Variants in AHRR observed in about 807,000 individuals in gnomAD.
AHRR encodes aryl hydrocarbon receptor repressor.
AHRR carries 28 observed loss-of-function variants against 44.0 expected under a neutral mutation model. That is an observed-to-expected ratio of 0.64 (90% CI 0.47 to 0.87). AHRR has a LOEUF of 0.87. Ranked by LOEUF, AHRR falls within the 40% of genes least tolerant of loss-of-function variation. AHRR has a pLI of 0.00. For synonymous variants in AHRR, 434 were observed against 407.0 expected, an observed-to-expected ratio of 1.07 and a Z score of -0.80; for missense variants, 990 against 953.9, an observed-to-expected ratio of 1.04 and a Z score of -0.50.
intron 4 of AHRR, chr5:403,908 T>C: frequency 6.3e-7 from 1 of 1,582,224 alleles, no homozygotes; most frequent in Non-Finnish European, 8.7e-7. Flanking sequence ...AGAATGTAGC[T>C]ATTCCAGGCA....
chr5:347,395 G>T (rs577201804), intron 2 of AHRR, among the ~76,000 whole-genome samples: 2 of 152,260 alleles, frequency 1.3e-5, no homozygotes, highest in East Asian at 3.9e-4. Flanking sequence ...TACTTTTGTG[G>T]CTAATTTTAC....
At chr5:427,652 GC>G in intron 7 of AHRR, 154 bp from the exon 8 acceptor site, 1 of 1,612,984 alleles carries the variant, frequency 6.2e-7, no homozygotes, top group South Asian at 1.1e-5. Context: ...GGGGTCACAG[GC>G]TTGGCAGCTG....
At chr5:414,908 G>A (rs1051545856) in intron 5 of AHRR, among the ~76,000 whole-genome samples, 3 of 152,250 alleles carry the variant, frequency 2.0e-5, no homozygotes, top group African/African-American at 7.2e-5. Context: ...AGCAACGAAG[G>A]ACTAAAGGGA....
intron 3 of AHRR, chr5:367,668 G>A (rs1379172287): frequency 1.7e-6 from 1 of 596,390 alleles, no homozygotes; most frequent in East Asian, 2.8e-5. Flanking sequence ...CCCCTCAGGA[G>A]GCCTTCCCCA....
Position 367,834 on chromosome 5 carries a change from G to A in AHRR, c.245-8776G>A, listed in dbSNP as rs1476717214. The A allele has an allele frequency of 2.3e-5, 16 of 702,540 alleles. 1 individual carries two copies. The highest frequency in any genetic ancestry group is 2.3e-4 in the Middle Eastern group (1 of 4,370). 43.5% of individuals were successfully genotyped at this position (702,540 alleles called of 1,614,324 possible). A position where few individuals can be genotyped will look rare whatever the true frequency, so the allele number is the denominator to read the frequency against. On this transcript the variant is annotated intron_variant, in intron 3 of 10. Coordinates refer to ENST00000684583, the MANE Select transcript of AHRR (RefSeq NM_001377236.1). Reference sequence around the variant, plus strand: ...ACAGGGGTTGGCAGTGGCAGATGCCGAAGATGTGGATGACCACACGGGCGA... The same window carrying A: ...ACAGGGGTTGGCAGTGGCAGATGCCAAAGATGTGGATGACCACACGGGCGA...
At chr5:403,308 C>A (rs1017917967) in intron 4 of AHRR, among the ~76,000 whole-genome samples, 1 of 152,074 alleles carries the variant, frequency 6.6e-6, no homozygotes, top group Non-Finnish European at 1.5e-5. Context: ...ACAATGTGGA[C>A]GTGCTTAATG....
intron 5 of AHRR, among the ~76,000 whole-genome samples, chr5:416,826 A>G (rs1184396475): frequency 2.0e-5 from 3 of 152,252 alleles, no homozygotes; most frequent in African/African-American, 7.2e-5. Context: ...GACTTTGTCA[A>G]CTTAAACAGA....
chr5:340,675 TATA>T (rs1742300582), intron 1 of AHRR, among the ~76,000 whole-genome samples: 1 of 27,404 alleles, frequency 3.6e-5, no homozygotes, highest in Non-Finnish European at 6.8e-5. Flanking sequence ...TATATATATA[TATA>T]TATATATATA....
At position 423,824 on chromosome 5, in the gene AHRR, GC is replaced by G; in HGVS notation, c.572-13del. On this transcript the variant is annotated splice_polypyrimidine_tract_variant and intron_variant, in intron 6 of 10. Transcript: ENST00000684583. ...GCTTCTCCCACCGCCACGCCCCTTGGCCCCTATGGTCTGCAGGAGATGATGC... is the reference window on the plus strand; with the variant it reads ...GCTTCTCCCACCGCCACGCCCCTTGGCCCTATGGTCTGCAGGAGATGATGC... 2 of 1,586,454 alleles carry G rather than the reference GC, an allele frequency of 1.3e-6. No homozygotes were observed.
At chr5:381,863 T>A (rs1734001211) in intron 4 of AHRR, among the ~76,000 whole-genome samples, 1 of 152,126 alleles carries the variant, frequency 6.6e-6, no homozygotes, top group African/African-American at 2.4e-5. Flanking sequence ...TTAAGAAATT[T>A]CCCTTTTATT....
intron 3 of AHRR, among the ~76,000 whole-genome samples, chr5:373,415 G>A (rs182589015): frequency 6.6e-6 from 1 of 152,214 alleles, no homozygotes; most frequent in Admixed American, 6.5e-5. Flanking sequence ...TGGCCTCTGC[G>A]GTCTTGGAGG....
intron 3 of AHRR, among the ~76,000 whole-genome samples, chr5:361,161 T>C (rs150790325): frequency 0.098 from 14,976 of 152,166 alleles, 1,051 homozygotes; most frequent in Non-Finnish European, 0.13. Context: ...AGGCAGAGAA[T>C]TGCTTGAACC....
At chr5:360,423 A>G (rs533500566) in intron 3 of AHRR, among the ~76,000 whole-genome samples, 1 of 152,360 alleles carries the variant, frequency 6.6e-6, no homozygotes, top group South Asian at 2.1e-4. Flanking sequence ...GCCCTGCACT[A>G]CATGCCACAT....
At chr5:412,997 A>G (rs1735532610) in intron 4 of AHRR, among the ~76,000 whole-genome samples, 1 of 152,160 alleles carries the variant, frequency 6.6e-6, no homozygotes, top group Admixed American at 6.5e-5. Context: ...GATATCCCAG[A>G]CAGTGTGTAG....
intron 4 of AHRR, among the ~76,000 whole-genome samples, chr5:379,411 A>G (rs940531353): frequency 4.1e-4 from 62 of 152,224 alleles, no homozygotes; most frequent in African/African-American, 1.5e-3. Flanking sequence ...AGGTGTTTCT[A>G]TGAGCGTAGG....
intron 1 of AHRR, 113 bp from the exon 2 acceptor site, chr5:343,780 G>A (rs1742454581): frequency 2.2e-5 from 23 of 1,067,256 alleles, no homozygotes; most frequent in Non-Finnish European, 3.0e-5. Context: ...TGGGGGCCTC[G>A]CGGGGTCGCG....
At chr5:353,661 G>C in intron 2 of AHRR, 69 bp from the exon 3 acceptor site, 1 of 1,476,910 alleles carries the variant, frequency 6.8e-7, no homozygotes, top group South Asian at 1.3e-5. Context: ...TGCAGAGGAC[G>C]GTTTCCGCCC....
rs137885391 is a variant in AHRR at position 370,169 on chromosome 5, AGCCCCGTCCTCCCGGGCCCTCGCTGGT to A, written c.245-6414_245-6388del. Among the ~76,000 whole-genome samples the A allele has an allele frequency of 0.42, 35,981 of 86,170 alleles. 11,708 individuals carry two copies. The highest frequency in any genetic ancestry group is 0.44 in the Middle Eastern group (75 of 172). 56.5% of individuals were successfully genotyped at this position (86,170 alleles called of 152,430 possible). On this transcript the variant is annotated intron_variant, in intron 3 of 10. Transcript: ENST00000684583. The surrounding 1 kb of genome is among the most constrained non-coding windows in gnomAD (Gnocchi z 4.5). Reference sequence around the variant, plus strand: ...CCCGTCCTCCCGGGCCCTCGCTGGAAGCCCCGTCCTCCCGGGCCCTCGCTGGTGCCCCGTCCTCCCGGGCCCTCGCTG... The same window carrying A: ...CCCGTCCTCCCGGGCCCTCGCTGGAAGCCCCGTCCTCCCGGGCCCTCGCTG...
At position 435,030 on chromosome 5, in the gene AHRR, T is replaced by A; in HGVS notation, c.*196T>A. The A allele has an allele frequency of 1.4e-6, 1 of 723,620 alleles. No individual in the cohort carries two copies. The highest frequency in any genetic ancestry group is 2.8e-5 in the East Asian group (1 of 36,080). The allele number at this position is 723,620 out of a possible 1,614,324, so 44.8% of individuals were successfully genotyped here. On this transcript the variant is annotated 3_prime_UTR_variant, in exon 11 of 11. Transcript: ENST00000684583. ...TGAATTTTGTAAAATATCCCAACAG[T>A]TCTTAAATGAAAACTGGCCTTAAGT...
Sources: allele counts gnomAD v4.1 joint callset (sites outside exome capture counted in the v4.1 genomes callset), GRCh38; gene constraint gnomAD v4.1.1; non-coding constraint Gnocchi (gnomAD v3.1); transcripts MANE v1.5; gene names NCBI Gene and HGNC (gene_info 2026-07-23, HGNC 2026-07-21).